KANK1: variants seen among roughly 807,000 people sequenced by gnomAD.
KANK1 encodes the protein KN motif and ankyrin repeat domain-containing protein 1.
Under a neutral mutation model 106.2 loss-of-function variants are expected in KANK1, and 109 were observed. The observed-to-expected ratio is 1.03, with a 90% CI of 0.88 to 1.20. KANK1 has a LOEUF of 1.20. KANK1 is among the 50% of genes most tolerant of loss of function. The pLI is 0.00. For synonymous variants in KANK1, 873 were observed against 652.2 expected (o/e 1.34, Z -5.16); for missense variants, 2,399 against 1,710.7 (o/e 1.40, Z -7.10).
intron 11 of KANK1, 74 bp downstream of exon 11, chr9:744,663 T>A: frequency 1.2e-6 from 2 of 1,612,676 alleles, no homozygotes; most frequent in Non-Finnish European, 1.7e-6. Flanking sequence ...CCTCCAGGAA[T>A]TGACGGGAGA....
chr9:659,535 T>C (rs1842848053), intron 1 of KANK1, among the ~76,000 whole-genome samples: 1 of 152,120 alleles, frequency 6.6e-6, no homozygotes, highest in Non-Finnish European at 1.5e-5. Context: ...TGTACTGCTA[T>C]GAAGAACTAC....
chr9:680,284 A>G (rs1817279232), intron 2 of KANK1, among the ~76,000 whole-genome samples: 1 of 152,124 alleles, frequency 6.6e-6, no homozygotes, highest in Admixed American at 6.5e-5. Context: ...CCTTGGCACA[A>G]AATACATCCG....
At chr9:714,338 G>C (rs1827093640) in intron 3 of KANK1, among the ~76,000 whole-genome samples, 1 of 151,050 alleles carries the variant, frequency 6.6e-6, no homozygotes, top group Admixed American at 6.6e-5. Context: ...CAAACTTGGA[G>C]AGAAGGGAGT....
chr9:648,532 G>A (rs1840216201), intron 1 of KANK1, among the ~76,000 whole-genome samples: 1 of 151,982 alleles, frequency 6.6e-6, no homozygotes, highest in Admixed American at 6.6e-5. Context: ...TTGAACATTG[G>A]GTATCCTAGG....
At chr9:714,349 C>CT (rs1414404279) in intron 3 of KANK1, among the ~76,000 whole-genome samples, 1 of 142,518 alleles carries the variant, frequency 7.0e-6, no homozygotes, top group Non-Finnish European at 1.5e-5. Context: ...AGAAGGGAGT[C>CT]TTTTCCCACT....
At chr9:722,776 C>CTTTG (rs1829696949) in intron 3 of KANK1, among the ~76,000 whole-genome samples, 1 of 152,128 alleles carries the variant, frequency 6.6e-6, no homozygotes, top group African/African-American at 2.4e-5. Flanking sequence ...TCCTCATGAC[C>CTTTG]TTTGGTTGAA....
At chr9:534,537 C>T (rs552787296) in intron 1 of KANK1, among the ~76,000 whole-genome samples, 1 of 152,330 alleles carries the variant, frequency 6.6e-6, no homozygotes, top group African/African-American at 2.4e-5. Flanking sequence ...AACATACCAG[C>T]AGAGAATTAT....
intron 1 of KANK1, among the ~76,000 whole-genome samples, chr9:564,085 A>C (rs1439762730): frequency 1.4e-5 from 2 of 147,772 alleles, no homozygotes; most frequent in South Asian, 2.1e-4. Context: ...TTTGAGACAG[A>C]GTCTTGCTCT....
At chr9:568,215 C>T (rs1284876377) in intron 1 of KANK1, among the ~76,000 whole-genome samples, 1 of 152,154 alleles carries the variant, frequency 6.6e-6, no homozygotes, top group Non-Finnish European at 1.5e-5. Context: ...AGATTTTTTA[C>T]ACCAAAGGCA....
intron 1 of KANK1, among the ~76,000 whole-genome samples, chr9:577,045 G>C (rs940385080): frequency 2.0e-5 from 3 of 152,164 alleles, no homozygotes; most frequent in African/African-American, 7.2e-5. Context: ...TCGCTGACTT[G>C]AGGAGTGAAT....
rs377574279 is a variant in KANK1 at position 711,383 on chromosome 9, A to T, written c.617A>T (p.Asn206Ile). 1 of 1,614,118 alleles carries T rather than the reference A, an allele frequency of 6.2e-7. No individual in the cohort carries two copies. The change falls in exon 3 of 12, where the codon AAT (asparagine) becomes ATT (isoleucine). Residue 206 changes from asparagine to isoleucine, a missense_variant. Coordinates refer to ENST00000382297, the MANE Select transcript of KANK1 (RefSeq NM_015158.5). ...TCTTTTGTGGGTTCTGGAAACCACA[A>T]TCCTGCCAAGCACCAGCTTCAGAAT... ...LPSFVGSGNHNPAKHQLQNGY... is the reference protein window; with the variant it reads ...LPSFVGSGNHIPAKHQLQNGY...
chr9:516,998 T>TACACACACACACACACACACAC lies in KANK1; in HGVS notation c.-84+12252_-84+12273dup, dbSNP rs148954863. Among the ~76,000 whole-genome samples the TACACACACACACACACACACAC allele has an allele frequency of 9.5e-3, 1,376 of 145,506 alleles. 34 individuals are homozygous for TACACACACACACACACACACAC. Among genetic ancestry groups the TACACACACACACACACACACAC allele is most frequent in the East Asian group, 0.05 (247 of 4,892 alleles). ...GTGGTTTCTATTCTTCATCACCCTCTACACACACACACACACACACACACA... is the reference window on the plus strand; with the variant it reads ...GTGGTTTCTATTCTTCATCACCCTCTACACACACACACACACACACACACACACACACACACACACACACACA... On this transcript the variant is annotated intron_variant, in intron 1 of 11. Coordinates refer to ENST00000382297, the MANE Select transcript of KANK1 (RefSeq NM_015158.5).
At chr9:500,873 C>A (rs918742584), upstream of KANK1, among the ~76,000 whole-genome samples, 1 of 152,102 alleles carries the variant, frequency 6.6e-6, no homozygotes, top group Non-Finnish European at 1.5e-5. Flanking sequence ...AACAGGGGAA[C>A]CTTCAGAAAG....
chr9:714,513 C>G (rs1408979131), intron 3 of KANK1, among the ~76,000 whole-genome samples: 2 of 151,996 alleles, frequency 1.3e-5, no homozygotes, highest in Non-Finnish European at 2.9e-5. Context: ...GTGCCCACCA[C>G]TATGCCCAGC....
intron 1 of KANK1, among the ~76,000 whole-genome samples, chr9:541,933 C>G (rs898711181): frequency 6.6e-6 from 1 of 151,108 alleles, no homozygotes; most frequent in Admixed American, 6.6e-5. Context: ...ACTAAAAATA[C>G]AAAAAATTAG....
At chr9:536,812 C>A (rs549811121) in intron 1 of KANK1, among the ~76,000 whole-genome samples, 2 of 152,272 alleles carry the variant, frequency 1.3e-5, no homozygotes, top group South Asian at 4.1e-4. Flanking sequence ...GCGCATTTTT[C>A]TGCCTGCCAC....
At position 734,850 on chromosome 9, in the gene KANK1, C is replaced by T; in HGVS notation, c.3333+15C>T. 6.3e-7 allele frequency: 1 copy of T among 1,580,346 alleles called. No individual in the cohort carries two copies. Among genetic ancestry groups the T allele is most frequent in the Non-Finnish European group, 8.7e-7 (1 of 1,149,344 alleles). ...GCAAAGATATGGTGAGTCTGACCTG[C>T]AAACACCATCCCCAGTGTGTACAAA... On this transcript the variant is annotated intron_variant, in intron 7 of 11. Transcript: ENST00000382297.
intron 3 of KANK1, among the ~76,000 whole-genome samples, chr9:721,019 G>A (rs1227520602): frequency 2.6e-5 from 4 of 152,134 alleles, no homozygotes; most frequent in Admixed American, 1.3e-4. Context: ...TCTCAATCCT[G>A]GCAGCACAAT....
chr9:491,360 C>T (rs1426865505), intron 3 of KANK1, among the ~76,000 whole-genome samples: 4 of 151,658 alleles, frequency 2.6e-5, no homozygotes, highest in Admixed American at 6.6e-5. Flanking sequence ...CTCCGCCTCC[C>T]GGGTTCAAGC....
Sources: gnomAD v4.1 joint callset for allele counts (sites outside exome capture counted in the v4.1 genomes callset) on GRCh38, gnomAD v4.1.1 for gene constraint, MANE v1.5 for transcripts, NCBI Gene and HGNC (gene_info 2026-07-23, HGNC 2026-07-21) for gene names.